SOX6: variants seen among roughly 807,000 people sequenced by gnomAD.
The protein encoded by SOX6 is transcription factor SOX-6.
In SOX6, 11 loss-of-function variants were observed where a neutral mutation model predicts 97.8. The ratio of observed to expected loss-of-function variants is 0.11; its 90% CI spans 0.07 to 0.19. The LOEUF (loss-of-function observed/expected upper bound fraction) is 0.19, where lower values mean the gene tolerates loss of function less well. Among genes scored for constraint, SOX6 ranks in the 10% least tolerant of loss-of-function variants. The probability of loss-of-function intolerance (pLI) is 1.00; values close to 1 mark genes in which losing one functional copy is unlikely to be tolerated. For synonymous variants in SOX6, 360 were observed against 371.4 expected (o/e 0.97, Z 0.35); for missense variants, 810 against 1,039.5 (o/e 0.78, Z 3.04).
intron 4 of SOX6, among the ~76,000 whole-genome samples, chr11:16,510,407 A>G (rs1031389851): frequency 6.6e-6 from 1 of 151,980 alleles, no homozygotes; most frequent in Non-Finnish European, 1.5e-5. Context: ...CCTGGCCTAC[A>G]TGAATGGGGC....
chr11:16,489,680 A>C (rs1860481221), intron 4 of SOX6, among the ~76,000 whole-genome samples: 1 of 152,128 alleles, frequency 6.6e-6, no homozygotes, highest in African/African-American at 2.4e-5. Flanking sequence ...ATGTAAAGCA[A>C]TTAGTACAGT....
intron 3 of SOX6, among the ~76,000 whole-genome samples, chr11:16,616,815 TAA>T (rs772379264): frequency 8.6e-5 from 13 of 151,938 alleles, no homozygotes; most frequent in Admixed American, 2.0e-4. Context: ...TTTCTAAAAA[TAA>T]GTTTTCTGAC....
chr11:16,278,399 A>G (rs1854460856), intron 3 of SOX6, among the ~76,000 whole-genome samples: 1 of 152,116 alleles, frequency 6.6e-6, no homozygotes, highest in Admixed American at 6.6e-5. Flanking sequence ...AGTAATTATG[A>G]CCTATGGTAC....
At chr11:16,730,481 GC>G (rs1848341297) in intron 2 of SOX6, among the ~76,000 whole-genome samples, 1 of 152,128 alleles carries the variant, frequency 6.6e-6, no homozygotes, top group Non-Finnish European at 1.5e-5. Context: ...TGAACAACCT[GC>G]TCCTGAATGA....
chr11:16,039,944 T>C (rs1396160266), intron 12 of SOX6, among the ~76,000 whole-genome samples: 4 of 152,008 alleles, frequency 2.6e-5, no homozygotes, highest in East Asian at 1.9e-4. Flanking sequence ...AGATTACATC[T>C]AGAAGAGATT....
intron 3 of SOX6, among the ~76,000 whole-genome samples, chr11:16,689,211 C>G (rs1358723831): frequency 2.6e-5 from 4 of 152,148 alleles, no homozygotes; most frequent in Non-Finnish European, 4.4e-5. Flanking sequence ...ATGGGGTACC[C>G]TTTGCAGATC....
intron 12 of SOX6, among the ~76,000 whole-genome samples, chr11:16,044,940 TTATC>T (rs900944083): frequency 2.7e-5 from 4 of 149,544 alleles, no homozygotes; most frequent in South Asian, 4.2e-4. Flanking sequence ...AAGTTCAAAT[TTATC>T]TATCTATCTA....
At chr11:16,197,776 GAAGAA>G (rs1851822195) in intron 4 of SOX6, among the ~76,000 whole-genome samples, 1 of 152,166 alleles carries the variant, frequency 6.6e-6, no homozygotes, top group Admixed American at 6.5e-5. Flanking sequence ...ATGTCAAAGA[GAAGAA>G]AAGACAGTTA....
Position 16,607,200 on chromosome 11 carries a change from G to A in SOX6, n.609+4881C>T, listed in dbSNP as rs1456434814. 5 of 152,704 alleles carry A rather than the reference G, an allele frequency of 3.3e-5. No homozygotes were observed. The highest frequency in any genetic ancestry group is 7.3e-5 in the Non-Finnish European group (5 of 68,490). 9.5% of individuals were successfully genotyped at this position (152,704 alleles called of 1,614,324 possible). A position where few individuals can be genotyped will look rare whatever the true frequency, so the allele number is the denominator to read the frequency against. The stretch of plus-strand genomic sequence containing the variant: ...AACCCTGGAGTGCCCGGAAGGGCAG[G>A]AGCGGAAGACGCCGGGGGACGGCGG... On this transcript the variant is annotated intron_variant and non_coding_transcript_variant, in intron 4 of 5. Coordinates refer to the SOX6 transcript ENST00000524520. The surrounding 1 kb of genome is among the most constrained non-coding windows in gnomAD (Gnocchi z 6.5).
chr11:16,377,020 T>C (rs1333361147), intron 1 of SOX6, among the ~76,000 whole-genome samples: 1 of 151,892 alleles, frequency 6.6e-6, no homozygotes, highest in Non-Finnish European at 1.5e-5. Context: ...TACAAAGGAA[T>C]TCTTTTATTT....
chr11:16,648,250 G>T (rs539347268), intron 3 of SOX6, among the ~76,000 whole-genome samples: 63 of 152,046 alleles, frequency 4.1e-4, no homozygotes, highest in Admixed American at 1.2e-3. Flanking sequence ...TCCCCCACTT[G>T]CCTGGACACA....
chr11:16,391,491 C>T (rs1030607062), intron 1 of SOX6, among the ~76,000 whole-genome samples: 3 of 152,004 alleles, frequency 2.0e-5, no homozygotes, highest in Non-Finnish European at 4.4e-5. Context: ...TCATTATATC[C>T]TCTTTGTGCC....
intron 12 of SOX6, among the ~76,000 whole-genome samples, chr11:16,043,794 T>C (rs937050626): frequency 6.6e-6 from 1 of 152,192 alleles, no homozygotes; most frequent in African/African-American, 2.4e-5. Flanking sequence ...TGTTGGTAGC[T>C]AGCCCTTGGC....
intron 2 of SOX6, among the ~76,000 whole-genome samples, chr11:16,728,877 G>T (rs578106388): frequency 6.6e-6 from 1 of 152,182 alleles, no homozygotes; most frequent in East Asian, 1.9e-4. Context: ...CCAGTTTAGA[G>T]ATGAACATAA....
At chr11:15,976,029 T>C (rs35572903) in intron 15 of SOX6, among the ~76,000 whole-genome samples, 1 of 151,896 alleles carries the variant, frequency 6.6e-6, no homozygotes, top group Non-Finnish European at 1.5e-5. Context: ...TGGAGAGATA[T>C]ATATGGCTGT....
At chr11:16,699,796 A>C (rs1670195678) in intron 3 of SOX6, among the ~76,000 whole-genome samples, 1 of 152,214 alleles carries the variant, frequency 6.6e-6, no homozygotes, top group South Asian at 2.1e-4. Context: ...TTGCTGTCCT[A>C]TAATTGCTCT....
intron 3 of SOX6, among the ~76,000 whole-genome samples, chr11:16,287,298 T>TCTCACA (rs1554953497): frequency 1.2e-4 from 15 of 123,522 alleles, no homozygotes; most frequent in African/African-American, 4.5e-4. Flanking sequence ...TCTCTCTCTC[T>TCTCACA]CACACACACA....
chr11:16,502,730 G>C (rs1336365636), intron 4 of SOX6, among the ~76,000 whole-genome samples: 1 of 152,152 alleles, frequency 6.6e-6, no homozygotes, highest in Non-Finnish European at 1.5e-5. Flanking sequence ...ACACCATAAA[G>C]TGACCTAATA....
intron 3 of SOX6, among the ~76,000 whole-genome samples, chr11:16,309,784 A>T (rs943331179): frequency 4.6e-5 from 7 of 152,076 alleles, no homozygotes; most frequent in Non-Finnish European, 8.8e-5. Flanking sequence ...AGATCCCAAA[A>T]CTGTCCCCTA....
Sources: gnomAD v4.1 joint callset for allele counts (sites outside exome capture counted in the v4.1 genomes callset) on GRCh38, gnomAD v4.1.1 for gene constraint, Gnocchi (gnomAD v3.1) non-coding constraint, MANE v1.5 for transcripts, NCBI Gene and HGNC (gene_info 2026-07-23, HGNC 2026-07-21) for gene names.